Variants in GALNT7 observed in about 807,000 individuals in gnomAD.
GALNT7 encodes the protein N-acetylgalactosaminyltransferase 7.
A neutral mutation model predicts 82.1 loss-of-function variants in GALNT7; 60 were observed. The ratio of observed to expected loss-of-function variants is 0.73; its 90% CI spans 0.59 to 0.91. GALNT7 has a LOEUF of 0.91. Ranked by LOEUF, GALNT7 falls within the 40% of genes least tolerant of loss-of-function variation. The pLI is 0.00. For missense variants in GALNT7, 660 were observed against 804.2 expected (o/e 0.82, Z 2.17); for synonymous variants, 243 against 275.1 (o/e 0.88, Z 1.15).
rs1448408040 is a variant in GALNT7, at chr4:173,323,898, CTT to C, written c.*2182_*2183del. ...ATTTTATTAGGATAAATTTGAGAAA[CTT>C]ACGTATATCTTAATTCTGGGTTGCT... On this transcript the variant is annotated 3_prime_UTR_variant, in exon 12 of 12. Coordinates refer to ENST00000265000, the MANE Select transcript of GALNT7 (RefSeq NM_017423.3). 2.0e-5 allele frequency: 3 copies of C among 152,514 alleles called. No homozygotes were observed. The highest frequency in any genetic ancestry group is 6.6e-5 in the Admixed American group (1 of 15,264). The allele number at this position is 152,514 out of a possible 1,614,324, so 9.4% of individuals were successfully genotyped here.
At chr4:173,238,536 G>A (rs990074144) in intron 1 of GALNT7, among the ~76,000 whole-genome samples, 4 of 152,090 alleles carry the variant, frequency 2.6e-5, no homozygotes, top group Non-Finnish European at 4.4e-5. Context: ...CTTGTCATAC[G>A]TGCTCTTACC....
intron 1 of GALNT7, among the ~76,000 whole-genome samples, chr4:173,203,062 A>G (rs1732991311): frequency 6.7e-6 from 1 of 150,186 alleles, no homozygotes; most frequent in African/African-American, 2.5e-5. Context: ...GTGTCCTTAC[A>G]GGTGAAGCGA....
chr4:173,290,658 G>T (rs1002733113), intron 2 of GALNT7, among the ~76,000 whole-genome samples: 3 of 152,160 alleles, frequency 2.0e-5, no homozygotes, highest in African/African-American at 7.2e-5. Flanking sequence ...CTTCTATGTT[G>T]TTTGAATTTT....
chr4:173,292,086 T>C lies in GALNT7; in HGVS notation c.588-22T>C, dbSNP rs1163499863. On this transcript the variant is annotated intron_variant, in intron 2 of 11. Coordinates refer to ENST00000265000, the MANE Select transcript of GALNT7 (RefSeq NM_017423.3). This position sits in a 1 kb window ranked among gnomAD's most constrained non-coding sequence, Gnocchi z 4.8. ...AGTATAGATTACCTGTAAATAAATATGATGAAATTTTCTCTTTACAGATGC... is the reference window on the plus strand; with the variant it reads ...AGTATAGATTACCTGTAAATAAATACGATGAAATTTTCTCTTTACAGATGC... 1.9e-6 allele frequency: 3 copies of C among 1,554,556 alleles called. No individual in the cohort carries two copies. The highest frequency in any genetic ancestry group is 1.7e-5 in the Admixed American group (1 of 58,228).
intron 1 of GALNT7, among the ~76,000 whole-genome samples, chr4:173,203,581 C>T (rs1733006392): frequency 6.6e-6 from 1 of 152,084 alleles, no homozygotes; most frequent in Non-Finnish European, 1.5e-5. Context: ...AGGTGATTTT[C>T]TCTGCTGCTA....
chr4:173,275,439 A>C (rs369852094), intron 2 of GALNT7, among the ~76,000 whole-genome samples: 3 of 152,220 alleles, frequency 2.0e-5, no homozygotes, highest in Non-Finnish European at 4.4e-5. Flanking sequence ...GTGCCAGGAA[A>C]CTGGCTACCT....
chr4:173,231,636 A>C (rs553922550), intron 1 of GALNT7, among the ~76,000 whole-genome samples: 2 of 152,352 alleles, frequency 1.3e-5, no homozygotes, highest in Admixed American at 1.3e-4. Context: ...TAACATACTT[A>C]ACGGTGTCTA....
intron 1 of GALNT7, among the ~76,000 whole-genome samples, chr4:173,199,412 G>A (rs1030608859): frequency 6.6e-6 from 1 of 152,224 alleles, no homozygotes; most frequent in Non-Finnish European, 1.5e-5. Flanking sequence ...TATATGCAAA[G>A]TTGTTAGGAC....
At chr4:173,313,083 A>G (rs1737450194) in intron 8 of GALNT7, among the ~76,000 whole-genome samples, 1 of 151,988 alleles carries the variant, frequency 6.6e-6, no homozygotes, top group South Asian at 2.1e-4. Context: ...TTTTTAAATT[A>G]AAGAAAGGAA....
chr4:173,273,535 C>T (rs926252947), intron 2 of GALNT7, among the ~76,000 whole-genome samples: 2 of 152,112 alleles, frequency 1.3e-5, no homozygotes, highest in Non-Finnish European at 2.9e-5. Context: ...CAGACCTCAC[C>T]AGGTTTTCTT....
chr4:173,211,861 T>C (rs1412350028), intron 1 of GALNT7, among the ~76,000 whole-genome samples: 3 of 152,380 alleles, frequency 2.0e-5, no homozygotes, highest in South Asian at 2.1e-4. Context: ...ATTATTTTAG[T>C]ATATCTCTGG....
intron 1 of GALNT7, among the ~76,000 whole-genome samples, chr4:173,240,125 T>C (rs891726052): frequency 1.3e-5 from 2 of 152,166 alleles, no homozygotes; most frequent in African/African-American, 2.4e-5. Flanking sequence ...TTTAAATAAA[T>C]GTATATCATC....
At chr4:173,237,681 G>T (rs1356484315) in intron 1 of GALNT7, among the ~76,000 whole-genome samples, 7 of 151,850 alleles carry the variant, frequency 4.6e-5, no homozygotes, top group African/African-American at 1.7e-4. Flanking sequence ...CTTGGCTTTG[G>T]CTGGTATTAG....
intron 2 of GALNT7, among the ~76,000 whole-genome samples, chr4:173,268,530 G>GGTT (rs1183747594): frequency 1.9e-5 from 1 of 52,336 alleles, no homozygotes; most frequent in Non-Finnish European, 3.2e-5. Context: ...TTTCTCTCTC[G>GGTT]TTTTTTTTTT....
At chr4:173,301,771 A>G (rs1453214128) in intron 6 of GALNT7, among the ~76,000 whole-genome samples, 1 of 152,222 alleles carries the variant, frequency 6.6e-6, no homozygotes, top group Non-Finnish European at 1.5e-5. Flanking sequence ...TTTTAAATCC[A>G]CAGAGGTACC....
At chr4:173,287,473 A>G (rs912273263) in intron 2 of GALNT7, among the ~76,000 whole-genome samples, 3 of 152,278 alleles carry the variant, frequency 2.0e-5, no homozygotes, top group Admixed American at 2.0e-4. Flanking sequence ...GGGGTAGTGC[A>G]GACTTGAAGA....
intron 5 of GALNT7, among the ~76,000 whole-genome samples, chr4:173,296,453 G>A (rs1218880562): frequency 6.6e-6 from 1 of 152,130 alleles, no homozygotes; most frequent in Non-Finnish European, 1.5e-5. Context: ...TGTGGCAAAT[G>A]GCAAATGGCA....
chr4:173,178,052 T>TGTGTGTGTGTGTGTGTGCGCGCGCGC (rs563102408), intron 1 of GALNT7, among the ~76,000 whole-genome samples: 1 of 129,510 alleles, frequency 7.7e-6, no homozygotes, highest in African/African-American at 3.1e-5. Context: ...TGTGTGTGTG[T>TGTGTGTGTGTGTGTGTGCGCGCGCGC]GCGCGCACGC....
intron 1 of GALNT7, among the ~76,000 whole-genome samples, chr4:173,171,533 G>A (rs1425608559): frequency 6.6e-6 from 1 of 152,188 alleles, no homozygotes; most frequent in Non-Finnish European, 1.5e-5. Context: ...TTCTGTTACA[G>A]CCTTGACAAC....
Sources: allele counts gnomAD v4.1 joint callset (sites outside exome capture counted in the v4.1 genomes callset), GRCh38; gene constraint gnomAD v4.1.1; non-coding constraint Gnocchi (gnomAD v3.1); transcripts MANE v1.5; gene names NCBI Gene and HGNC (gene_info 2026-07-23, HGNC 2026-07-21).